The following CDK15 variants were observed in gnomAD, a reference collection of about 807,000 sequenced individuals.
CDK15 encodes the protein cyclin-dependent kinase 15.
Under a neutral mutation model 60.3 loss-of-function variants are expected in CDK15, and 62 were observed. The observed-to-expected ratio is 1.03, with a 90% CI of 0.84 to 1.27. CDK15 has a LOEUF of 1.27. CDK15 is among the 50% of genes most tolerant of loss of function. The pLI is 0.00. For missense variants in CDK15, 541 were observed against 527.8 expected (o/e 1.03, Z -0.25); for synonymous variants, 194 against 195.7 (o/e 0.99, Z 0.07).
intron 8 of CDK15, among the ~76,000 whole-genome samples, chr2:201,839,273 A>G (rs1048107615): frequency 1.3e-5 from 2 of 152,208 alleles, no homozygotes; most frequent in Admixed American, 6.5e-5. Flanking sequence ...TCATGAGGAT[A>G]CATCAGATAA....
At chr2:201,833,152 T>C (rs60779070) in intron 6 of CDK15, among the ~76,000 whole-genome samples, 1 of 148,388 alleles carries the variant, frequency 6.7e-6, no homozygotes, top group Non-Finnish European at 1.5e-5. Flanking sequence ...CACTACCATT[T>C]ACCCTTTCTC....
chr2:201,846,611 G>A (rs1401660362), intron 8 of CDK15, among the ~76,000 whole-genome samples: 1 of 151,734 alleles, frequency 6.6e-6, no homozygotes, highest in Non-Finnish European at 1.5e-5. Context: ...TGTGGAGAAG[G>A]AGTAAATCAG....
Position 201,877,704 on chromosome 2 carries a change from A to C in CDK15, c.1059-2324A>C, listed in dbSNP as rs1488214968. On this transcript the variant is annotated intron_variant, in intron 11 of 13. Coordinates refer to ENST00000652192, the MANE Select transcript of CDK15 (RefSeq NM_001366386.2). Reference sequence around the variant, plus strand: ...GGAATATATCTGCCAGTCCTTCTTCAGGCCACAGCAAATGAGTAGACTTCT... The same window carrying C: ...GGAATATATCTGCCAGTCCTTCTTCCGGCCACAGCAAATGAGTAGACTTCT... Among the ~76,000 whole-genome samples, 11 of 152,338 alleles carry C rather than the reference A, an allele frequency of 7.2e-5. No individual in the cohort carries two copies. In the East Asian group the frequency reaches 2.1e-3, roughly 29 times the overall value.
chr2:201,872,931 C>T (rs1042820608), intron 11 of CDK15, among the ~76,000 whole-genome samples: 6 of 152,022 alleles, frequency 3.9e-5, no homozygotes, highest in African/African-American at 7.3e-5. Flanking sequence ...AGTAATTAGC[C>T]GAGGCTCTGT....
At chr2:201,819,300 G>A (rs929325520) in intron 4 of CDK15, among the ~76,000 whole-genome samples, 1 of 152,296 alleles carries the variant, frequency 6.6e-6, no homozygotes, top group Non-Finnish European at 1.5e-5. Context: ...TACAGGAAAA[G>A]ACATTGGCAA....
chr2:201,854,874 G>T lies in CDK15; in HGVS notation c.946G>T (p.Val316Leu). Residue 316 changes from valine (V) to leucine (L), a missense_variant and splice_region_variant, in exon 10 of 14, where the codon GTG becomes TTG. By Grantham distance (32) the Val-to-Leu change is conservative. Coordinates refer to ENST00000652192, the MANE Select transcript of CDK15 (RefSeq NM_001366386.2). ...ILEQLEKIWEVLGVPTEDTWP... is the reference protein window; with the variant it reads ...ILEQLEKIWELLGVPTEDTWP... ...TTTTTCTTTGTTTGGCTTTATATAGGTGCTGGGAGTCCCTACAGAGGATAC... is the reference window on the plus strand; with the variant it reads ...TTTTTCTTTGTTTGGCTTTATATAGTTGCTGGGAGTCCCTACAGAGGATAC... 1.2e-6 allele frequency: 2 copies of T among 1,613,710 alleles called. No individual in the cohort carries two copies. The highest frequency in any genetic ancestry group is 1.3e-5 in the African/African-American group (1 of 74,922).
intron 6 of CDK15, among the ~76,000 whole-genome samples, chr2:201,833,397 G>T (rs558666860): frequency 1.3e-5 from 2 of 152,086 alleles, no homozygotes; most frequent in South Asian, 2.1e-4. Context: ...TTTTAAAAGG[G>T]TTTCATATTG....
intron 12 of CDK15, chr2:201,889,135 G>C: frequency 1.0e-6 from 1 of 985,416 alleles, no homozygotes; most frequent in South Asian, 4.7e-5. Flanking sequence ...GGCAGAGCTG[G>C]CAAGTTTATT....
chr2:201,871,299 A>G (rs535819474), intron 10 of CDK15, among the ~76,000 whole-genome samples: 1 of 152,168 alleles, frequency 6.6e-6, no homozygotes, highest in South Asian at 2.1e-4. Context: ...AGCTGGGACT[A>G]TAAACACATG....
rs149694228 is a variant in CDK15, at chr2:201,882,723, T to G, written c.1198+2556T>G. ...TATGTGTGTGACAGGGTGGTGGGTG[T>G]GCAGAAATATGTATATAGACAGATG... On this transcript the variant is annotated intron_variant, in intron 12 of 13. Coordinates refer to ENST00000652192, the MANE Select transcript of CDK15 (RefSeq NM_001366386.2). The surrounding 1 kb of genome is among the most constrained non-coding windows in gnomAD (Gnocchi z 4.0). 7.7e-3 allele frequency among the ~76,000 whole-genome samples: 1,162 copies of G among 151,068 alleles called. 6 individuals carry two copies. The highest frequency in any genetic ancestry group is 0.013 in the Non-Finnish European group (890 of 67,784).
chr2:201,880,112 A>C lies in CDK15; in HGVS notation c.1143A>C (p.Ala381=), dbSNP rs1699221596. 1 of 1,614,090 alleles carries C rather than the reference A, an allele frequency of 6.2e-7. No homozygotes were observed. The highest frequency in any genetic ancestry group is 8.5e-7 in the Non-Finnish European group (1 of 1,180,024). The change falls in exon 12 of 14, where the codon GCA becomes GCC. Residue 381 remains alanine (A), a synonymous_variant. Transcript: ENST00000652192. The part of the protein sequence containing the change: ...FPRDRVSAQE[A]LVHDYFSALP... Reference sequence around the variant, plus strand: ...GAGACCGCGTCTCCGCCCAGGAAGCACTTGTTCATGATTATTTCAGCGCCC... The same window carrying C: ...GAGACCGCGTCTCCGCCCAGGAAGCCCTTGTTCATGATTATTTCAGCGCCC...
At chr2:201,869,079 T>C (rs982309481) in intron 10 of CDK15, among the ~76,000 whole-genome samples, 2 of 152,132 alleles carry the variant, frequency 1.3e-5, no homozygotes, top group African/African-American at 4.8e-5. Flanking sequence ...CACATGCACA[T>C]GTATGTTTAT....
chr2:201,819,980 G>A (rs980504533), intron 4 of CDK15, among the ~76,000 whole-genome samples: 4 of 152,018 alleles, frequency 2.6e-5, no homozygotes, highest in Non-Finnish European at 4.4e-5. Context: ...ATTTTTCCTT[G>A]GCCATTTTAG....
At chr2:201,821,483 AT>A (rs1250706419) in intron 4 of CDK15, among the ~76,000 whole-genome samples, 1 of 152,086 alleles carries the variant, frequency 6.6e-6, no homozygotes, top group African/African-American at 2.4e-5. Context: ...TTATTCCTAA[AT>A]TTAAGGGAGT....
chr2:201,854,180 A>G (rs371760470), intron 9 of CDK15, among the ~76,000 whole-genome samples: 14 of 152,230 alleles, frequency 9.2e-5, no homozygotes, highest in African/African-American at 3.4e-4. Context: ...TCTCAAAAAA[A>G]AAAAACATCG....
At position 201,861,024 on chromosome 2, in the gene CDK15, T is replaced by C. The variant is rs548826481; in HGVS notation, c.1009+6087T>C. On this transcript the variant is annotated intron_variant, in intron 10 of 13. Transcript: ENST00000652192. The stretch of plus-strand genomic sequence containing the variant: ...ATCTGGGTCGGCATCAGCTTGGTTG[T>C]ATGAGCTATTAGCCAAGGGAGTTAT... The C allele has an allele frequency of 3.4e-6, 4 of 1,163,642 alleles. No individual in the cohort carries two copies. In the East Asian group the frequency reaches 1.8e-4, roughly 53 times the overall value. 72.1% of individuals were successfully genotyped at this position (1,163,642 alleles called of 1,614,324 possible).
intron 12 of CDK15, among the ~76,000 whole-genome samples, chr2:201,881,426 A>C (rs987431502): frequency 6.6e-6 from 1 of 152,198 alleles, no homozygotes; most frequent in Non-Finnish European, 1.5e-5. Flanking sequence ...GGAAAACAAG[A>C]GACTTGTCCT....
intron 9 of CDK15, among the ~76,000 whole-genome samples, chr2:201,850,697 AT>A (rs1282481688): frequency 6.6e-6 from 1 of 152,106 alleles, no homozygotes; most frequent in South Asian, 2.1e-4. Context: ...CATTTTTAAT[AT>A]TTTGAGGAAC....
chr2:201,848,398 A>T (rs1038834455), intron 9 of CDK15, among the ~76,000 whole-genome samples: 2 of 152,180 alleles, frequency 1.3e-5, no homozygotes, highest in African/African-American at 4.8e-5. Context: ...TATACAAAAC[A>T]AAATTTACCG....
Sources: gnomAD v4.1 joint callset for allele counts (sites outside exome capture counted in the v4.1 genomes callset) on GRCh38, gnomAD v4.1.1 for gene constraint, Gnocchi (gnomAD v3.1) non-coding constraint, MANE v1.5 for transcripts, NCBI Gene and HGNC (gene_info 2026-07-23, HGNC 2026-07-21) for gene names.